Variants in RAPGEF4 observed in about 807,000 individuals in gnomAD.
RAPGEF4 encodes Rap guanine nucleotide exchange factor 4.
RAPGEF4 carries 66 observed loss-of-function variants against 147.9 expected under a neutral mutation model. The observed-to-expected ratio is 0.45, with a 90% CI of 0.37 to 0.55. The LOEUF (loss-of-function observed/expected upper bound fraction) is 0.55. RAPGEF4 is among the 20% of genes least tolerant of loss of function. The pLI is 0.00. For synonymous variants in RAPGEF4, 419 were observed against 442.7 expected (o/e 0.95, Z 0.67); for missense variants, 1,071 against 1,257.3 (o/e 0.85, Z 2.24).
At chr2:173,028,978 C>G (rs1320782884) in intron 25 of RAPGEF4, among the ~76,000 whole-genome samples, 1 of 152,184 alleles carries the variant, frequency 6.6e-6, no homozygotes, top group Non-Finnish European at 1.5e-5. Context: ...ACTAGAAAGG[C>G]AGGTCTACAG....
chr2:173,023,158 C>T lies in RAPGEF4; in HGVS notation c.2253+2443C>T, dbSNP rs572562977. ...GGCACACGAGGAAAGGAAGATGCTCCGGGTAGCTTACCTTCACCATCTCTT... is the reference window on the plus strand; with the variant it reads ...GGCACACGAGGAAAGGAAGATGCTCTGGGTAGCTTACCTTCACCATCTCTT... On this transcript the variant is annotated intron_variant, in intron 23 of 30. Coordinates refer to ENST00000397081, the MANE Select transcript of RAPGEF4 (RefSeq NM_007023.4). Among the ~76,000 whole-genome samples the T allele has an allele frequency of 4.6e-5, 7 of 152,254 alleles. No homozygotes were observed. The South Asian group carries it at 1.0e-3, about 23-fold the overall frequency.
intron 4 of RAPGEF4, among the ~76,000 whole-genome samples, chr2:172,858,055 A>T (rs559378463): frequency 2.6e-5 from 4 of 152,150 alleles, no homozygotes; most frequent in African/African-American, 9.7e-5. Context: ...TGTTGAAAAC[A>T]CTCAGAACCA....
At chr2:172,865,630 A>G (rs925296021) in intron 4 of RAPGEF4, among the ~76,000 whole-genome samples, 1 of 151,470 alleles carries the variant, frequency 6.6e-6, no homozygotes, top group African/African-American at 2.4e-5. Flanking sequence ...CAGCTGCCAC[A>G]CTCATCTGCC....
At chr2:173,037,444 C>T (rs1026697913) in intron 29 of RAPGEF4, among the ~76,000 whole-genome samples, 1 of 152,192 alleles carries the variant, frequency 6.6e-6, no homozygotes, top group African/African-American at 2.4e-5. Context: ...TTTCTAGCCA[C>T]CCTCCTCCTA....
At chr2:172,779,004 G>A (rs1684433888) in intron 1 of RAPGEF4, among the ~76,000 whole-genome samples, 1 of 152,180 alleles carries the variant, frequency 6.6e-6, no homozygotes, top group South Asian at 2.1e-4. Context: ...TAACAAAAAA[G>A]TAATTTAATT....
intron 4 of RAPGEF4, among the ~76,000 whole-genome samples, chr2:172,904,996 G>T (rs867034090): frequency 1.3e-5 from 2 of 151,846 alleles, no homozygotes; most frequent in Admixed American, 6.6e-5. Context: ...GTGTGCTGAG[G>T]CCTCACTACC....
chr2:172,965,895 T>C (rs185456303), intron 9 of RAPGEF4, among the ~76,000 whole-genome samples: 1 of 152,280 alleles, frequency 6.6e-6, no homozygotes, highest in Non-Finnish European at 1.5e-5. Flanking sequence ...CTTGGGAGAA[T>C]GTATGAAAGG....
chr2:172,780,206 A>G (rs1193115081), intron 1 of RAPGEF4, among the ~76,000 whole-genome samples: 1 of 152,230 alleles, frequency 6.6e-6, no homozygotes, highest in South Asian at 2.1e-4. Flanking sequence ...TATTTCATAT[A>G]CACATGGGAG....
chr2:172,979,444 G>T (rs1343092431), intron 10 of RAPGEF4, among the ~76,000 whole-genome samples: 1 of 152,120 alleles, frequency 6.6e-6, no homozygotes, highest in Non-Finnish European at 1.5e-5. Context: ...TATATACAAA[G>T]CTTCATGTAT....
At chr2:172,935,084 G>A (rs1038326482) in intron 6 of RAPGEF4, among the ~76,000 whole-genome samples, 1 of 152,204 alleles carries the variant, frequency 6.6e-6, no homozygotes, top group Non-Finnish European at 1.5e-5. Flanking sequence ...GACTGTGGTG[G>A]TAGGATGGCT....
chr2:172,999,171 T>C (rs1380408185), intron 16 of RAPGEF4, among the ~76,000 whole-genome samples: 1 of 152,232 alleles, frequency 6.6e-6, no homozygotes, highest in Admixed American at 6.5e-5. Context: ...TTCTTGACCC[T>C]TCCATTTTTG....
At position 173,049,668 on chromosome 2, in the gene RAPGEF4, A is replaced by G. The variant is rs1685955316; in HGVS notation, c.2908+1014A>G. On this transcript the variant is annotated intron_variant, in intron 30 of 30. Coordinates refer to ENST00000397081, the MANE Select transcript of RAPGEF4 (RefSeq NM_007023.4). ...GTTCATTTTTTAATGAATAGGGAGG[A>G]AAAATATAAGAAAAATGACATTGAT... Among the ~76,000 whole-genome samples, 2 of 152,156 alleles carry G rather than the reference A, an allele frequency of 1.3e-5. 1 individual carries two copies. The highest frequency in any genetic ancestry group is 4.1e-4 in the South Asian group (2 of 4,826).
chr2:172,889,033 C>T (rs1197506162), intron 4 of RAPGEF4, among the ~76,000 whole-genome samples: 1 of 152,150 alleles, frequency 6.6e-6, no homozygotes, highest in Non-Finnish European at 1.5e-5. Flanking sequence ...AGAGGAAAGA[C>T]AACTGTGAGT....
intron 10 of RAPGEF4, among the ~76,000 whole-genome samples, chr2:172,969,717 T>G (rs781077444): frequency 3.9e-5 from 6 of 152,200 alleles, no homozygotes; most frequent in Non-Finnish European, 7.4e-5. Context: ...AATCATCAAT[T>G]GAGTGCCTGC....
chr2:172,985,056 G>A (rs1416686113), intron 11 of RAPGEF4, among the ~76,000 whole-genome samples: 6 of 152,196 alleles, frequency 3.9e-5, no homozygotes, highest in Admixed American at 2.6e-4. Context: ...TGCATTATAT[G>A]TAATGCAAGC....
At chr2:172,971,750 AC>A (rs1335477589) in intron 10 of RAPGEF4, among the ~76,000 whole-genome samples, 2 of 148,862 alleles carry the variant, frequency 1.3e-5, no homozygotes, top group African/African-American at 5.1e-5. Flanking sequence ...GTACACACAT[AC>A]CCCATTTTTT....
intron 29 of RAPGEF4, among the ~76,000 whole-genome samples, chr2:173,037,154 AG>A (rs1481197669): frequency 6.6e-6 from 1 of 152,258 alleles, no homozygotes; most frequent in Non-Finnish European, 1.5e-5. Context: ...AGTTCGCTCA[AG>A]TTCAGAGAAG....
intron 4 of RAPGEF4, among the ~76,000 whole-genome samples, chr2:172,842,805 T>G (rs772583167): frequency 5.9e-5 from 9 of 152,176 alleles, no homozygotes; most frequent in Non-Finnish European, 8.8e-5. Flanking sequence ...ACATAGGCCT[T>G]GCTTTTAACA....
At chr2:172,965,298 C>A in intron 8 of RAPGEF4, 1 of 438,852 alleles carries the variant, frequency 2.3e-6, no homozygotes, top group Non-Finnish European at 4.1e-6. Context: ...TAGCGGCCCC[C>A]TGGTCTCCCC....
Sources: gnomAD v4.1 joint callset for allele counts (sites outside exome capture counted in the v4.1 genomes callset) on GRCh38, gnomAD v4.1.1 for gene constraint, MANE v1.5 for transcripts, NCBI Gene and HGNC (gene_info 2026-07-23, HGNC 2026-07-21) for gene names.